Variants in TMEM132D observed in about 807,000 individuals in gnomAD.
TMEM132D encodes the protein transmembrane protein 132D.
Under a neutral mutation model 62.3 loss-of-function variants are expected in TMEM132D, and 21 were observed. The observed-to-expected ratio is 0.34, with a 90% CI of 0.24 to 0.49. The LOEUF is 0.49. TMEM132D is among the 20% of genes least tolerant of loss of function. TMEM132D has a pLI of 0.99. For synonymous variants in TMEM132D, 621 were observed against 575.6 expected (o/e 1.08, Z -1.13); for missense variants, 1,346 against 1,402.8 (o/e 0.96, Z 0.65).
chr12:129,821,632 A>G (rs89691), intron 1 of TMEM132D, among the ~76,000 whole-genome samples: 138,101 of 152,278 alleles, frequency 0.91, 62,672 homozygotes, highest in African/African-American at 0.92. Context: ...TTTCTGGCAG[A>G]GGCAAAAGTG....
chr12:129,231,613 C>G (rs757461005), intron 4 of TMEM132D, among the ~76,000 whole-genome samples: 1 of 152,084 alleles, frequency 6.6e-6, no homozygotes, highest in African/African-American at 2.4e-5. Context: ...CGGGCTTTGG[C>G]AGAAGCATCC....
At chr12:129,125,396 C>T (rs965129342) in intron 5 of TMEM132D, among the ~76,000 whole-genome samples, 12 of 151,960 alleles carry the variant, frequency 7.9e-5, no homozygotes, top group Admixed American at 7.2e-4. Flanking sequence ...TCTTCTTAAT[C>T]GTCCTGTGAT....
At chr12:129,273,610 T>C (rs1880920039) in intron 4 of TMEM132D, among the ~76,000 whole-genome samples, 1 of 151,800 alleles carries the variant, frequency 6.6e-6, no homozygotes, top group Non-Finnish European at 1.5e-5. Flanking sequence ...AATCATGTCC[T>C]TTGCAGCCAC....
chr12:129,832,035 CTTTTTTT>C (rs71085577), intron 1 of TMEM132D, among the ~76,000 whole-genome samples: 6 of 94,174 alleles, frequency 6.4e-5, no homozygotes, highest in South Asian at 7.5e-4. Flanking sequence ...ATGCCCGGCT[CTTTTTTT>C]TTTTTTTTTT....
intron 5 of TMEM132D, among the ~76,000 whole-genome samples, chr12:129,168,188 T>A (rs1593283438): frequency 6.6e-6 from 1 of 152,328 alleles, no homozygotes; most frequent in Non-Finnish European, 1.5e-5. Flanking sequence ...TCTAAGAGTT[T>A]TAACTATGGT....
chr12:129,381,478 T>C (rs1377633803), intron 3 of TMEM132D, among the ~76,000 whole-genome samples: 1 of 152,182 alleles, frequency 6.6e-6, no homozygotes, highest in Non-Finnish European at 1.5e-5. Context: ...AAAACTTTAC[T>C]AAAGAAACAC....
chr12:129,695,674 A>G (rs1881187767), intron 2 of TMEM132D, among the ~76,000 whole-genome samples: 1 of 152,226 alleles, frequency 6.6e-6, no homozygotes, highest in Non-Finnish European at 1.5e-5. Context: ...ACTTCATGGA[A>G]GCTGCATCTG....
intron 4 of TMEM132D, among the ~76,000 whole-genome samples, chr12:129,319,460 C>T (rs1868609374): frequency 6.6e-6 from 1 of 152,168 alleles, no homozygotes. Context: ...CGGGGTGTCT[C>T]CTGATCCTGC....
chr12:129,283,928 A>G (rs1252948721), intron 4 of TMEM132D, among the ~76,000 whole-genome samples: 1 of 152,218 alleles, frequency 6.6e-6, no homozygotes, highest in Non-Finnish European at 1.5e-5. Context: ...GCCCATGATC[A>G]TTTGACCAAT....
chr12:129,347,840 C>T (rs1410886128), intron 3 of TMEM132D, among the ~76,000 whole-genome samples: 3 of 152,024 alleles, frequency 2.0e-5, no homozygotes, highest in African/African-American at 7.2e-5. Flanking sequence ...CCAAAATCTA[C>T]AAGAAATTTA....
At chr12:129,138,283 G>A (rs1876644581) in intron 5 of TMEM132D, among the ~76,000 whole-genome samples, 1 of 152,066 alleles carries the variant, frequency 6.6e-6, no homozygotes, top group Admixed American at 6.6e-5. Context: ...TTAAATGTTG[G>A]CCACTATCCA....
chr12:129,897,876 G>A (rs909624858), intron 1 of TMEM132D, among the ~76,000 whole-genome samples: 7 of 152,190 alleles, frequency 4.6e-5, no homozygotes, highest in African/African-American at 1.4e-4. Context: ...TAACAATTCT[G>A]CCTGACAAAC....
rs534860704 is a variant in TMEM132D at position 129,451,609 on chromosome 12, G to A, written c.1115+79450C>T. ...ACTAAATTTGAATAATAAAGCAGAG[G>A]TAAAGTGGATTTATTAAAGATGTCA... On this transcript the variant is annotated intron_variant, in intron 3 of 8. Transcript: ENST00000422113. Among the ~76,000 whole-genome samples the A allele has an allele frequency of 4.6e-5, 7 of 152,280 alleles. No individual in the cohort carries two copies. In the South Asian group the frequency reaches 8.3e-4, roughly 18 times the overall value.
In TMEM132D at chr12:129,359,091, T is replaced by A. The variant is rs558458773; in HGVS notation, c.1116-21274A>T. ...TCCACATGATGGCATATTATTCAGT[T>A]ACAAGAAGGAAAGAAGTTCCGAGTC... On this transcript the variant is annotated intron_variant, in intron 3 of 8. Transcript: ENST00000422113. 2.6e-5 allele frequency among the ~76,000 whole-genome samples: 4 copies of A among 152,256 alleles called. No homozygotes were observed. The East Asian group carries it at 7.7e-4, about 29-fold the overall frequency.
chr12:129,858,965 C>CG (rs1366573471), intron 1 of TMEM132D, among the ~76,000 whole-genome samples: 1 of 112,822 alleles, frequency 8.9e-6, no homozygotes, highest in Non-Finnish European at 1.8e-5. Flanking sequence ...CCTTGGAGTC[C>CG]GGGGGAACGG....
intron 3 of TMEM132D, among the ~76,000 whole-genome samples, chr12:129,377,447 G>T (rs975982047): frequency 1.9e-4 from 29 of 152,104 alleles, no homozygotes; most frequent in African/African-American, 6.0e-4. Context: ...TCTTAGAGAA[G>T]AGCATTCCAG....
At chr12:129,708,061 A>G (rs922824533) in intron 1 of TMEM132D, among the ~76,000 whole-genome samples, 2 of 152,096 alleles carry the variant, frequency 1.3e-5, no homozygotes, top group African/African-American at 4.8e-5. Context: ...TACTAAAAAC[A>G]CAAAGATCAG....
chr12:129,332,205 C>T (rs1298628056), intron 4 of TMEM132D, among the ~76,000 whole-genome samples: 1 of 152,032 alleles, frequency 6.6e-6, no homozygotes, highest in Non-Finnish European at 1.5e-5. Context: ...AAAAACAAAA[C>T]CATATTTACT....
At chr12:129,623,163 C>T (rs183407212) in intron 2 of TMEM132D, among the ~76,000 whole-genome samples, 2 of 152,252 alleles carry the variant, frequency 1.3e-5, no homozygotes, top group Non-Finnish European at 2.9e-5. Flanking sequence ...TTAAACCAGT[C>T]GGATTTGAGT....
Sources: gnomAD v4.1 joint callset for allele counts (sites outside exome capture counted in the v4.1 genomes callset) on GRCh38, gnomAD v4.1.1 for gene constraint, MANE v1.5 for transcripts, NCBI Gene and HGNC (gene_info 2026-07-23, HGNC 2026-07-21) for gene names.